FAM13A: variants seen among roughly 807,000 people sequenced by gnomAD.
FAM13A encodes the protein protein FAM13A.
FAM13A carries 76 observed loss-of-function variants against 129.6 expected under a neutral mutation model. That is an observed-to-expected ratio of 0.59 (90% CI 0.49 to 0.71). The LOEUF is 0.71. FAM13A is among the 30% of genes least tolerant of loss of function. The probability of loss-of-function intolerance (pLI) is 0.00; values close to 1 mark genes in which losing one functional copy is unlikely to be tolerated. For missense variants in FAM13A, 1,108 were observed against 1,249.3 expected, an observed-to-expected ratio of 0.89 and a Z score of 1.70; for synonymous variants, 443 against 449.9, an observed-to-expected ratio of 0.98 and a Z score of 0.20.
intron 3 of FAM13A, among the ~76,000 whole-genome samples, chr4:88,997,114 G>C (rs1763646326): frequency 6.6e-6 from 1 of 152,108 alleles, no homozygotes; most frequent in Non-Finnish European, 1.5e-5. Context: ...TTCCATAAAA[G>C]GGCCTCAGAA....
chr4:89,040,511 T>C (rs1769970107), intron 1 of FAM13A, among the ~76,000 whole-genome samples: 1 of 152,208 alleles, frequency 6.6e-6, no homozygotes, highest in Non-Finnish European at 1.5e-5. Flanking sequence ...ATTGGAGGAT[T>C]ACTATTTTAT....
chr4:89,025,659 C>T (rs866760000), intron 2 of FAM13A, among the ~76,000 whole-genome samples: 7 of 152,064 alleles, frequency 4.6e-5, no homozygotes, highest in African/African-American at 1.7e-4. Context: ...TGTGGTAGAA[C>T]GGTGTGCAGA....
intron 1 of FAM13A, among the ~76,000 whole-genome samples, chr4:89,036,327 G>A (rs1270261867): frequency 1.3e-5 from 2 of 152,150 alleles, no homozygotes; most frequent in African/African-American, 2.4e-5. Context: ...CTAGGGATGT[G>A]TGAAACTTTG....
intron 4 of FAM13A, among the ~76,000 whole-genome samples, chr4:88,959,159 C>T (rs1351581262): frequency 6.6e-6 from 1 of 152,114 alleles, no homozygotes; most frequent in Admixed American, 6.5e-5. Flanking sequence ...AGATTTTGGA[C>T]TTTTGAGTTA....
intron 3 of FAM13A, among the ~76,000 whole-genome samples, chr4:88,993,924 G>A (rs946214978): frequency 1.3e-5 from 2 of 151,790 alleles, no homozygotes; most frequent in Admixed American, 1.3e-4. Flanking sequence ...CTGGGAAGCG[G>A]AGGTTGCAGT....
intron 5 of FAM13A, among the ~76,000 whole-genome samples, chr4:88,918,038 G>C (rs1750385813): frequency 1.3e-5 from 2 of 152,214 alleles, no homozygotes; most frequent in East Asian, 3.8e-4. Flanking sequence ...CCTTACAGCT[G>C]TCTTGGTAAG....
At chr4:88,762,299 T>C (rs1011188781) in intron 13 of FAM13A, among the ~76,000 whole-genome samples, 1 of 152,222 alleles carries the variant, frequency 6.6e-6, no homozygotes, top group Non-Finnish European at 1.5e-5. Flanking sequence ...ATCATAGACC[T>C]GTGTCAACTT....
intron 6 of FAM13A, among the ~76,000 whole-genome samples, chr4:88,869,712 A>C (rs537039012): frequency 6.6e-6 from 1 of 152,354 alleles, no homozygotes; most frequent in South Asian, 2.1e-4. Context: ...TCAACTATCA[A>C]CTATCAACTT....
chr4:88,937,091 A>T (rs780320243), intron 5 of FAM13A: 1 of 152,192 alleles, frequency 6.6e-6, no homozygotes, highest in African/African-American at 2.4e-5. Context: ...ACTCAGATTT[A>T]CAACTGATAG....
At chr4:89,050,260 G>A (rs1267845812) in intron 1 of FAM13A, among the ~76,000 whole-genome samples, 2 of 151,786 alleles carry the variant, frequency 1.3e-5, no homozygotes, top group African/African-American at 4.8e-5. Context: ...CACCCATGCT[G>A]GAGTGCAGTG....
chr4:89,028,771 T>TTAA (rs370313247), intron 2 of FAM13A, among the ~76,000 whole-genome samples: 1 of 137,942 alleles, frequency 7.2e-6, no homozygotes, highest in Non-Finnish European at 1.6e-5. Context: ...TTAAAGTACA[T>TTAA]AAAAAAAAAA....
intron 6 of FAM13A, among the ~76,000 whole-genome samples, chr4:88,872,847 C>G (rs1022121331): frequency 6.6e-6 from 1 of 152,182 alleles, no homozygotes; most frequent in Admixed American, 6.5e-5. Context: ...TTCTTCTCAG[C>G]ACCACATCAC....
chr4:88,902,967 G>C (rs1290080530), intron 6 of FAM13A, among the ~76,000 whole-genome samples: 1 of 151,936 alleles, frequency 6.6e-6, no homozygotes, highest in East Asian at 1.9e-4. Flanking sequence ...ACCAACAACA[G>C]AGCCAAATAA....
chr4:88,875,685 T>A (rs1253129322), intron 6 of FAM13A, among the ~76,000 whole-genome samples: 1 of 152,226 alleles, frequency 6.6e-6, no homozygotes, highest in Non-Finnish European at 1.5e-5. Context: ...ACTTTTACAC[T>A]GTTGGTGGGA....
At chr4:89,026,871 A>G (rs1203242402) in intron 2 of FAM13A, among the ~76,000 whole-genome samples, 2 of 152,208 alleles carry the variant, frequency 1.3e-5, no homozygotes, top group South Asian at 2.1e-4. Context: ...TTCAATTAAC[A>G]TCTAACCATC....
chr4:88,734,940 T>C (rs1485841955), intron 21 of FAM13A, among the ~76,000 whole-genome samples: 1 of 152,260 alleles, frequency 6.6e-6, no homozygotes. Flanking sequence ...TGGTCCACTG[T>C]CCTGGTTAAA....
At chr4:88,910,796 C>A (rs1212431315) in intron 5 of FAM13A, among the ~76,000 whole-genome samples, 1 of 151,952 alleles carries the variant, frequency 6.6e-6, no homozygotes, top group Non-Finnish European at 1.5e-5. Context: ...ACTACAGGCA[C>A]GCGTCACCAT....
chr4:88,789,381 C>A (rs1724638799), intron 9 of FAM13A, among the ~76,000 whole-genome samples: 1 of 152,158 alleles, frequency 6.6e-6, no homozygotes, highest in South Asian at 2.1e-4. Flanking sequence ...GATCCAAATT[C>A]ATTTCAACTA....
intron 6 of FAM13A, among the ~76,000 whole-genome samples, chr4:88,862,440 GCTGGACT>G (rs2150037954): frequency 6.6e-6 from 1 of 152,250 alleles, no homozygotes; most frequent in South Asian, 2.1e-4. Flanking sequence ...AGAAGGTTGG[GCTGGACT>G]CAGACTGTTA....
Sources: gnomAD v4.1 joint callset for allele counts (sites outside exome capture counted in the v4.1 genomes callset) on GRCh38, gnomAD v4.1.1 for gene constraint, MANE v1.5 for transcripts, NCBI Gene and HGNC (gene_info 2026-07-23, HGNC 2026-07-21) for gene names.